Variants in MAP7 observed in about 807,000 individuals in gnomAD.
MAP7 encodes the protein microtubule associated protein 7, also known as ensconsin.
MAP7 carries 52 observed loss-of-function variants against 94.8 expected under a neutral mutation model. The observed-to-expected ratio is 0.55, with a 90% CI of 0.44 to 0.69. MAP7 has a LOEUF of 0.69. Among genes scored for constraint, MAP7 ranks in the 30% least tolerant of loss-of-function variants. The pLI is 0.00. For synonymous variants in MAP7, 350 were observed against 357.0 expected, an observed-to-expected ratio of 0.98 and a Z score of 0.22; for missense variants, 940 against 964.6, an observed-to-expected ratio of 0.97 and a Z score of 0.34.
chr6:136,430,425 C>T lies in MAP7; in HGVS notation c.68-8626G>A, dbSNP rs74963449. Among the ~76,000 whole-genome samples the T allele has an allele frequency of 9.0e-3, 1,363 of 152,222 alleles. 59 individuals are homozygous for T. In the East Asian group the frequency reaches 0.14, roughly 15 times the overall value. On this transcript the variant is annotated intron_variant, in intron 1 of 17. Coordinates refer to ENST00000354570, the MANE Select transcript of MAP7 (RefSeq NM_003980.6). The stretch of plus-strand genomic sequence containing the variant: ...CTTAAAAATAGTTCTAAACAGGGGA[C>T]TCAGTTTTAAATATCAGTTTTGTAA...
At chr6:136,466,783 G>A (rs1184993596) in intron 1 of MAP7, 2 of 1,535,102 alleles carry the variant, frequency 1.3e-6, no homozygotes, top group Non-Finnish European at 1.7e-6. Context: ...TGTCTTCCAT[G>A]CTAAAATCCT....
At chr6:136,549,230 A>G (rs77465840) in intron 1 of MAP7, among the ~76,000 whole-genome samples, 2,800 of 152,294 alleles carry the variant, frequency 0.018, 100 homozygotes, top group African/African-American at 0.063. Context: ...ACATTTAGGA[A>G]ACAAATGCTT....
At chr6:136,549,518 C>T (rs1011571312) in intron 1 of MAP7, among the ~76,000 whole-genome samples, 2 of 152,076 alleles carry the variant, frequency 1.3e-5, no homozygotes, top group African/African-American at 2.4e-5. Context: ...TCTTGGGAAG[C>T]CTTGCTGCTG....
At chr6:136,434,306 CA>C (rs59002856) in intron 1 of MAP7, among the ~76,000 whole-genome samples, 8,428 of 59,740 alleles carry the variant, frequency 0.14, 435 homozygotes, top group African/African-American at 0.29. Flanking sequence ...GACTCCGTCT[CA>C]AAAAAAAAAA....
chr6:136,372,768 G>A, intron 7 of MAP7, 143 bp from the exon 8 acceptor site: 4 of 962,682 alleles, frequency 4.2e-6, no homozygotes, highest in East Asian at 2.5e-5. Context: ...GGAAGAAGAT[G>A]TTATTACCTA....
chr6:136,487,321 A>G (rs986996083), intron 1 of MAP7, among the ~76,000 whole-genome samples: 2 of 152,248 alleles, frequency 1.3e-5, no homozygotes, highest in African/African-American at 4.8e-5. Flanking sequence ...TAGAGTTTAT[A>G]AAGACCAGAA....
At chr6:136,450,347 TCATAAA>T (rs1426202776) in intron 1 of MAP7, among the ~76,000 whole-genome samples, 1 of 152,078 alleles carries the variant, frequency 6.6e-6, no homozygotes, top group Non-Finnish European at 1.5e-5. Context: ...ACTAACAATA[TCATAAA>T]CATAGATTTT....
intron 1 of MAP7, among the ~76,000 whole-genome samples, chr6:136,534,946 T>C (rs1828761505): frequency 6.6e-6 from 1 of 152,168 alleles, no homozygotes; most frequent in African/African-American, 2.4e-5. Flanking sequence ...TACATGGGGA[T>C]GGAGAGAGGG....
intron 1 of MAP7, among the ~76,000 whole-genome samples, chr6:136,435,150 C>T (rs1046965943): frequency 6.6e-6 from 1 of 152,106 alleles, no homozygotes; most frequent in African/African-American, 2.4e-5. Flanking sequence ...TTGGTGCCTA[C>T]AATAGTAGGA....
At chr6:136,369,737 T>C (rs146331412) in intron 8 of MAP7, among the ~76,000 whole-genome samples, 1 of 152,334 alleles carries the variant, frequency 6.6e-6, no homozygotes, top group East Asian at 1.9e-4. Context: ...GAAGTTGGAC[T>C]CTTACCTTCT....
intron 1 of MAP7, among the ~76,000 whole-genome samples, chr6:136,498,774 G>GT (rs1819028557): frequency 2.7e-5 from 4 of 150,840 alleles, no homozygotes; most frequent in African/African-American, 9.9e-5. Context: ...TGTGTGTGTG[G>GT]AAAACCCAAC....
intron 1 of MAP7, among the ~76,000 whole-genome samples, chr6:136,456,828 A>AGAAG (rs1803308826): frequency 3.2e-5 from 4 of 123,748 alleles, no homozygotes; most frequent in Non-Finnish European, 5.4e-5. Flanking sequence ...AGAAGGAAGA[A>AGAAG]GAAGAAGAAG....
In MAP7 at chr6:136,532,936, G is replaced by C. The variant is rs114128074; in HGVS notation, c.67+17406C>G. Among the ~76,000 whole-genome samples, 687 of 152,336 alleles carry C rather than the reference G, an allele frequency of 4.5e-3. 7 individuals carry two copies. Among genetic ancestry groups the C allele is most frequent in the African/African-American group, 0.016 (656 of 41,578 alleles). The stretch of plus-strand genomic sequence containing the variant: ...GGTTAGAAGAGGGCCACACTACTCT[G>C]ATCTCCGCACCTGCGGCTTCCAGAC... On this transcript the variant is annotated intron_variant, in intron 1 of 17. Transcript: ENST00000354570.
rs146778796 is a variant in MAP7, at chr6:136,413,585, A to C, written c.167-1888T>G. 4.4e-3 allele frequency among the ~76,000 whole-genome samples: 672 copies of C among 152,168 alleles called. 6 individuals carry two copies. Among genetic ancestry groups the C allele is most frequent in the African/African-American group, 0.015 (641 of 41,546 alleles). ...GACAAATAGCAGTGCTTTGGCAACA[A>C]ATGTAAAGGCCTGCATCCCAAATGT... On this transcript the variant is annotated intron_variant, in intron 2 of 17. Coordinates refer to ENST00000354570, the MANE Select transcript of MAP7 (RefSeq NM_003980.6).
At chr6:136,501,945 A>G (rs1158864466) in intron 1 of MAP7, among the ~76,000 whole-genome samples, 1 of 152,244 alleles carries the variant, frequency 6.6e-6, no homozygotes, top group African/African-American at 2.4e-5. Context: ...GGCCACAGGC[A>G]GCCATGGCTT....
intron 7 of MAP7, among the ~76,000 whole-genome samples, chr6:136,374,742 CA>C (rs1034345502): frequency 6.6e-6 from 1 of 152,004 alleles, no homozygotes; most frequent in Admixed American, 6.6e-5. Context: ...TAGTATAGTC[CA>C]TAGAAAAACA....
chr6:136,432,481 T>C (rs1471974213), intron 1 of MAP7, among the ~76,000 whole-genome samples: 1 of 152,172 alleles, frequency 6.6e-6, no homozygotes, highest in Non-Finnish European at 1.5e-5. Context: ...ACATTTGTAA[T>C]AGAAATCAGT....
intron 3 of MAP7, among the ~76,000 whole-genome samples, chr6:136,396,168 A>G (rs1225301808): frequency 6.6e-6 from 1 of 152,126 alleles, no homozygotes; most frequent in Non-Finnish European, 1.5e-5. Flanking sequence ...TTTTCACAAT[A>G]TTAATTGTTC....
chr6:136,388,409 A>G lies in MAP7; in HGVS notation c.510T>C (p.Pro170=). 6.2e-7 allele frequency: 1 copy of G among 1,613,640 alleles called. No homozygotes were observed. Among genetic ancestry groups the G allele is most frequent in the Non-Finnish European group, 8.5e-7 (1 of 1,179,580 alleles). Residue 170 remains proline, a synonymous_variant, in exon 5 of 18, where the codon CCT becomes CCC. Transcript: ENST00000354570. ...ACTGTTTACCTGCACTGTGGATGCT[A>G]GGGCTCCCATGGAGAGAGCCTCCCC... is the stretch of plus-strand genomic sequence containing the variant. ...WSWGGSLHGS[P]SIHSADPDRR...
Sources: allele counts gnomAD v4.1 joint callset (sites outside exome capture counted in the v4.1 genomes callset), GRCh38; gene constraint gnomAD v4.1.1; transcripts MANE v1.5; gene names NCBI Gene and HGNC (gene_info 2026-07-23, HGNC 2026-07-21).